Variants in MROH2B observed in about 807,000 individuals in gnomAD.
MROH2B encodes maestro heat like repeat family member 2B, also known as maestro heat-like repeat-containing protein family member 2B.
MROH2B carries 177 observed loss-of-function variants against 208.6 expected under a neutral mutation model. The ratio of observed to expected loss-of-function variants is 0.85; its 90% CI spans 0.75 to 0.96. The LOEUF is 0.96. MROH2B is among the 40% of genes least tolerant of loss of function. The probability of loss-of-function intolerance (pLI) is 0.00; values close to 1 mark genes in which losing one functional copy is unlikely to be tolerated. For synonymous variants in MROH2B, 728 were observed against 659.0 expected, an observed-to-expected ratio of 1.10 and a Z score of -1.60; for missense variants, 2,002 against 1,878.7, an observed-to-expected ratio of 1.07 and a Z score of -1.21.
At position 41,061,590 on chromosome 5, in the gene MROH2B, G is replaced by A; in HGVS notation, c.595C>T (p.Pro199Ser). 3 of 1,613,340 alleles carry A rather than the reference G, an allele frequency of 1.9e-6. No homozygotes were observed. The South Asian group carries it at 3.3e-5, about 18-fold the overall frequency. The part of the protein sequence containing the change: ...LFWYIMEKWA[P>S]LASPMQTLSI... ...CTCACCTGCATGGGTGAGGCCAAAG[G>A]GGCCCACTTCTCCATTATATACCAG... Residue 199 changes from proline to serine, a missense_variant, in exon 6 of 42, where the codon CCT (proline) becomes TCT (serine). Physicochemically the swap from Pro to Ser is moderately conservative, Grantham distance 74. Transcript: ENST00000399564.
At chr5:41,005,733 C>G in intron 34 of MROH2B, 88 bp from the exon 35 acceptor site, 1 of 1,143,798 alleles carries the variant, frequency 8.7e-7, no homozygotes, top group Non-Finnish European at 1.3e-6. Context: ...AGTAATTTGT[C>G]TAAAAAGGAA....
intron 24 of MROH2B, 37 bp downstream of exon 24, chr5:41,032,705 A>C: frequency 6.4e-7 from 1 of 1,557,556 alleles, no homozygotes; most frequent in Non-Finnish European, 8.8e-7. Context: ...TAAGGGGGAA[A>C]ATACTTTTTC....
chr5:41,059,697 G>C (rs1743575947), intron 6 of MROH2B, among the ~76,000 whole-genome samples: 1 of 152,016 alleles, frequency 6.6e-6, no homozygotes, highest in Admixed American at 6.6e-5. Context: ...TCCTTTCTAA[G>C]CTTCTAAGAC....
intron 28 of MROH2B, 123 bp downstream of exon 28, chr5:41,017,727 T>C (rs992190568): frequency 2.8e-6 from 3 of 1,073,960 alleles, no homozygotes; most frequent in South Asian, 2.2e-5. Flanking sequence ...AGGAGGAAAA[T>C]GAGGAAAGAG....
chr5:41,058,737 A>G (rs1303492869), intron 6 of MROH2B, among the ~76,000 whole-genome samples: 1 of 152,136 alleles, frequency 6.6e-6, no homozygotes, highest in Non-Finnish European at 1.5e-5. Context: ...TAAGCAATCT[A>G]GAACTTACCT....
intron 12 of MROH2B, chr5:41,051,370 AT>A: frequency 4.2e-6 from 1 of 239,038 alleles, no homozygotes. Context: ...GGCCTTTGCC[AT>A]TTTCTTCAGG....
intron 24 of MROH2B, among the ~76,000 whole-genome samples, chr5:41,026,275 A>T (rs1393524999): frequency 6.6e-6 from 1 of 152,232 alleles, no homozygotes; most frequent in African/African-American, 2.4e-5. Context: ...ATGATTGTAT[A>T]TCTAGAAAAC....
At chr5:41,035,359 A>G (rs1742722279) in intron 21 of MROH2B, among the ~76,000 whole-genome samples, 1 of 152,150 alleles carries the variant, frequency 6.6e-6, no homozygotes, top group South Asian at 2.1e-4. Flanking sequence ...TCAATAAATA[A>G]TATTGCTGGG....
chr5:41,005,460 G>T, intron 35 of MROH2B, 71 bp downstream of exon 35: 3 of 766,868 alleles, frequency 3.9e-6, no homozygotes, highest in Non-Finnish European at 5.9e-6. Context: ...AGTGCACACT[G>T]GGCTCCAGAC....
intron 24 of MROH2B, among the ~76,000 whole-genome samples, chr5:41,032,312 T>C (rs915598385): frequency 2.0e-5 from 3 of 152,124 alleles, no homozygotes; most frequent in Non-Finnish European, 4.4e-5. Flanking sequence ...CTATTTCTTT[T>C]ACTGCAGGGT....
chr5:41,046,814 A>G (rs747442918), intron 17 of MROH2B, among the ~76,000 whole-genome samples: 5 of 152,206 alleles, frequency 3.3e-5, no homozygotes, highest in African/African-American at 1.2e-4. Context: ...GGAAGGGAAC[A>G]TAAAAGAACC....
chr5:41,015,891 C>T (rs971507844), intron 28 of MROH2B, among the ~76,000 whole-genome samples: 3 of 152,172 alleles, frequency 2.0e-5, no homozygotes, highest in African/African-American at 7.2e-5. Flanking sequence ...AGTGAGCTCC[C>T]TCATTGGGGA....
rs200420550 is a variant in MROH2B at position 41,009,412 on chromosome 5, G to A, written c.3294-6C>T. 1 of 1,612,822 alleles carries A rather than the reference G, an allele frequency of 6.2e-7. No individual in the cohort carries two copies. Among genetic ancestry groups the A allele is most frequent in the Non-Finnish European group, 8.5e-7 (1 of 1,179,290 alleles). On this transcript the variant is annotated splice_polypyrimidine_tract_variant and splice_region_variant and intron_variant, in intron 31 of 41. Transcript: ENST00000399564. The stretch of plus-strand genomic sequence containing the variant: ...TCCACAATGTCTTTGTGTCCCTAGG[G>A]TGGCAAAGCAGGAAATTGGTAGATA...
chr5:41,006,032 C>A (rs1231920915), intron 34 of MROH2B, among the ~76,000 whole-genome samples: 374 of 129,658 alleles, frequency 2.9e-3, no homozygotes, highest in Non-Finnish European at 3.0e-3. Flanking sequence ...ATTCTGTCTC[C>A]AAAAAAAAAA....
At chr5:41,044,191 A>C (rs1397399002) in intron 18 of MROH2B, among the ~76,000 whole-genome samples, 1 of 151,004 alleles carries the variant, frequency 6.6e-6, no homozygotes, top group Non-Finnish European at 1.5e-5. Flanking sequence ...CAGAGGTTGC[A>C]GTGGTCCGAG....
chr5:41,045,783 T>G lies in MROH2B; in HGVS notation c.1799A>C (p.Gln600Pro). The change falls in exon 18 of 42, where the codon CAG (glutamine) becomes CCG (proline). Residue 600 changes from glutamine (Q) to proline (P), a missense_variant. Gln to Pro is a moderately conservative substitution (Grantham distance 76). Coordinates refer to ENST00000399564, the MANE Select transcript of MROH2B (RefSeq NM_173489.5). ...GTTATTGCTGTAACTGCCCATTTGC[T>G]GTTTGAAATCCTGAGTCAGCTGAAT... ...WTIQLTQDFK[Q>P]QMGSYSNNST... The G allele has an allele frequency of 2.5e-6, 4 of 1,613,660 alleles. No homozygotes were observed. The highest frequency in any genetic ancestry group is 2.5e-6 in the Non-Finnish European group (3 of 1,179,594).
chr5:40,999,545 A>T, intron 40 of MROH2B, 132 bp downstream of exon 40: 1 of 623,642 alleles, frequency 1.6e-6, no homozygotes, highest in Non-Finnish European at 2.7e-6. Context: ...CGTAAGATAA[A>T]AGCCCTTTCT....
chr5:41,034,008 G>A, intron 21 of MROH2B, 144 bp from the exon 22 acceptor site: 1 of 1,281,178 alleles, frequency 7.8e-7, no homozygotes, highest in Admixed American at 3.2e-5. Context: ...CTTGCCAAGG[G>A]GAGGGGGGCA....
chr5:41,007,978 A>C (rs569856279), intron 33 of MROH2B, among the ~76,000 whole-genome samples: 2 of 152,354 alleles, frequency 1.3e-5, no homozygotes, highest in East Asian at 1.9e-4. Flanking sequence ...ATACGTGTTG[A>C]CTAAACGGTG....
Sources: gnomAD v4.1 joint callset for allele counts (sites outside exome capture counted in the v4.1 genomes callset) on GRCh38, gnomAD v4.1.1 for gene constraint, MANE v1.5 for transcripts, NCBI Gene and HGNC (gene_info 2026-07-23, HGNC 2026-07-21) for gene names.